The following NOTCH3 variants were observed in gnomAD, a reference collection of about 807,000 sequenced individuals.
NOTCH3 encodes neurogenic locus notch homolog protein 3.
A neutral mutation model predicts 213.3 loss-of-function variants in NOTCH3; 86 were observed. The ratio of observed to expected loss-of-function variants is 0.40; its 90% CI spans 0.34 to 0.48. The LOEUF is 0.48. NOTCH3 is among the 20% of genes least tolerant of loss of function. The pLI is 0.57. For missense variants in NOTCH3, 2,783 were observed against 3,272.6 expected (o/e 0.85, Z 3.65); for synonymous variants, 1,354 against 1,355.9 (o/e 1.00, Z 0.03).
At chr19:15,189,799 G>A (rs1377440606) in intron 6 of NOTCH3, among the ~76,000 whole-genome samples, 3 of 151,880 alleles carry the variant, frequency 2.0e-5, no homozygotes, top group Non-Finnish European at 2.9e-5. Context: ...GATTACAGGC[G>A]TGAGCCACCG....
rs567653922 is a variant in NOTCH3, at chr19:15,159,307, G to A, written c.*1355C>T. The A allele has an allele frequency of 6.4e-6, 1 of 156,718 alleles. No homozygotes were observed. Among genetic ancestry groups the A allele is most frequent in the South Asian group, 2.1e-4 (1 of 4,864 alleles). The allele number at this position is 156,718 out of a possible 1,614,324, so 9.7% of individuals were successfully genotyped here. A position where few individuals can be genotyped will look rare whatever the true frequency, so the allele number is the denominator to read the frequency against. On this transcript the variant is annotated 3_prime_UTR_variant, in exon 33 of 33. Coordinates refer to ENST00000263388, the MANE Select transcript of NOTCH3 (RefSeq NM_000435.3). ...AATATTAGCTTCATTCTTCTGCCCT[G>A]TTTGCTTGTCTCTTTGCCCACCACC...
In NOTCH3 at chr19:15,161,282, C is replaced by T. The variant is rs2145381876; in HGVS notation, c.6346G>A (p.Ala2116Thr). The T allele has an allele frequency of 6.5e-7, 1 of 1,537,824 alleles. No homozygotes were observed. The highest frequency in any genetic ancestry group is 8.7e-7 in the Non-Finnish European group (1 of 1,144,700). ...TCAAGGGGGAAGCCACCAGGGGAAG[C>T]AGGGGGCCCACCGAAAGGCCGCGGG... The part of the protein sequence containing the change: ...DSPRPFGGPP[A>T]SPGGFPLEGP... The change falls in exon 33 of 33, where the codon GCT becomes ACT. Residue 2116 changes from alanine (A) to threonine (T), a missense_variant. Ala to Thr is a moderately conservative substitution (Grantham distance 58). Transcript: ENST00000263388.
At position 15,170,118 on chromosome 19, in the gene NOTCH3, C is replaced by T; in HGVS notation, c.5167G>A (p.Asp1723Asn). 1 of 1,602,616 alleles carries T rather than the reference C, an allele frequency of 6.2e-7. No individual in the cohort carries two copies. Among genetic ancestry groups the T allele is most frequent in the Non-Finnish European group, 8.5e-7 (1 of 1,174,446 alleles). The stretch of plus-strand genomic sequence containing the variant: ...CGCTTGGCCTCTGGGCACTCTGTGT[C>T]CATCCAGTCTGTGGCCACCTCCCCC... ...LMGEVATDWM[D>N]TECPEAKRLK... Residue 1723 changes from aspartate to asparagine, a missense_variant, in exon 28 of 33, where the codon GAC becomes AAC. Transcript: ENST00000263388.
chr19:15,167,478 A>T, intron 28 of NOTCH3, 67 bp from the exon 29 acceptor site: 3 of 1,499,224 alleles, frequency 2.0e-6, no homozygotes, highest in Non-Finnish European at 2.7e-6. Context: ...ACTGCCAGGG[A>T]TGGGGCTGGG....
chr19:15,197,441 G>GGGGCGCCCCCCCCCC, intron 2 of NOTCH3, 59 bp downstream of exon 2: 7 of 768,362 alleles, frequency 9.1e-6, no homozygotes, highest in Non-Finnish European at 1.4e-5. Flanking sequence ...AAGACAAATC[G>GGGGCGCCCCCCCCCC]CCCCTCCCCC....
rs71168587 is a variant in NOTCH3 at position 15,173,421 on chromosome 19, CAAAAA to C, written c.4736+642_4736+646del. Among the ~76,000 whole-genome samples the C allele has an allele frequency of 4.5e-3, 308 of 68,786 alleles. 1 individual carries two copies. The highest frequency in any genetic ancestry group is 0.014 in the African/African-American group (291 of 21,056). The allele number at this position is 68,786 out of a possible 152,430, so 45.1% of individuals were successfully genotyped here. A position where few individuals can be genotyped will look rare whatever the true frequency, so the allele number is the denominator to read the frequency against. ...TGGGCGACAGAGCGAGACTCCGTCTCAAAAAAAAAAAAAAAAAAAAAGAGAGAGAG... is the reference window on the plus strand; with the variant it reads ...TGGGCGACAGAGCGAGACTCCGTCTCAAAAAAAAAAAAAAAAGAGAGAGAG... On this transcript the variant is annotated intron_variant, in intron 25 of 32. Coordinates refer to ENST00000263388, the MANE Select transcript of NOTCH3 (RefSeq NM_000435.3).
chr19:15,180,094 T>C lies in NOTCH3; in HGVS notation c.3305A>G (p.Tyr1102Cys). 6.2e-7 allele frequency: 1 copy of C among 1,611,414 alleles called. No homozygotes were observed. The highest frequency in any genetic ancestry group is 2.2e-5 in the East Asian group (1 of 44,848). Reference protein sequence around the residue: ...PCQHGGTCRGYMGGYMCECLP... With the variant: ...PCQHGGTCRGCMGGYMCECLP... Reference sequence around the variant, plus strand: ...TACCTCACACATGTAGCCCCCCATATAGCCACGGCAGGTCCCCCCATGCTG... The same window carrying C: ...TACCTCACACATGTAGCCCCCCATACAGCCACGGCAGGTCCCCCCATGCTG... The change falls in exon 20 of 33, where the codon TAT (tyrosine) becomes TGT (cysteine). Residue 1102 changes from tyrosine to cysteine, a missense_variant. By Grantham distance (194) the Tyr-to-Cys change is radical. Coordinates refer to ENST00000263388, the MANE Select transcript of NOTCH3 (RefSeq NM_000435.3).
Position 15,160,799 on chromosome 19 carries a change from T to C in NOTCH3, c.6829A>G (p.Thr2277Ala). Residue 2277 changes from threonine (T) to alanine (A), a missense_variant, in exon 33 of 33, where the codon ACT becomes GCT. This residue lies in a region of NOTCH3 where 441 missense variants were observed against 432.1 expected (regional missense o/e 1.02). Coordinates refer to ENST00000263388, the MANE Select transcript of NOTCH3 (RefSeq NM_000435.3). Reference protein sequence around the residue: ...SESTPSPATATGAMATTTGAL... With the variant: ...SESTPSPATAAGAMATTTGAL... ...CCAGTGGTGGTGGCCATGGCCCCAG[T>C]GGCAGTGGCTGGGCTAGGCGTGGAT... 6.2e-7 allele frequency: 1 copy of C among 1,613,274 alleles called. No homozygotes were observed. Among genetic ancestry groups the C allele is most frequent in the Non-Finnish European group, 8.5e-7 (1 of 1,179,590 alleles).
intron 24 of NOTCH3, among the ~76,000 whole-genome samples, chr19:15,176,827 C>A (rs1348969196): frequency 1.4e-5 from 2 of 142,092 alleles, no homozygotes; most frequent in Non-Finnish European, 3.0e-5. Context: ...AATCCCAGCA[C>A]TTTGGGAGGC....
intron 1 of NOTCH3, among the ~76,000 whole-genome samples, chr19:15,198,426 T>C (rs928739244): frequency 4.6e-5 from 7 of 151,942 alleles, no homozygotes; most frequent in South Asian, 2.1e-4. Flanking sequence ...TAGAAGCAGA[T>C]AGACCAGGAG....
chr19:15,200,382 G>T (rs1406663541), intron 1 of NOTCH3, among the ~76,000 whole-genome samples: 1 of 151,556 alleles, frequency 6.6e-6, no homozygotes, highest in African/African-American at 2.4e-5. Flanking sequence ...GGGGCGGGGT[G>T]GGGGGGCTTT....
At position 15,192,207 on chromosome 19, in the gene NOTCH3, G is replaced by A. The variant is rs748339634; in HGVS notation, c.432C>T (p.Cys144=). Residue 144 remains cysteine, a synonymous_variant, in exon 4 of 33, where the codon TGC becomes TGT. Transcript: ENST00000263388. ...CSVGPDGRFL[C]SCPPGYQGRS... The stretch of plus-strand genomic sequence containing the variant: ...GGCCCTGGTAGCCAGGTGGGCAGGA[G>A]CAGAGGAAGCGTCCATCGGGCCCCA... The A allele has an allele frequency of 2.9e-5, 46 of 1,611,058 alleles. No homozygotes were observed. Among genetic ancestry groups the A allele is most frequent in the Non-Finnish European group, 3.4e-5 (40 of 1,179,278 alleles).
At chr19:15,176,729 C>T (rs1347631351) in intron 24 of NOTCH3, among the ~76,000 whole-genome samples, 1 of 143,682 alleles carries the variant, frequency 7.0e-6, no homozygotes, top group East Asian at 2.0e-4. Context: ...CACCACTGCA[C>T]TCCAGCCTGG....
At chr19:15,184,150 C>T (rs1599385699) in intron 16 of NOTCH3, 145 bp downstream of exon 16, 1 of 828,138 alleles carries the variant, frequency 1.2e-6, no homozygotes, top group Non-Finnish European at 2.0e-6. Context: ...CACTCAACCT[C>T]CTCGGGCCTC....
rs751050359 is a variant in NOTCH3 at position 15,161,527 on chromosome 19, G to A, written c.6101C>T (p.Pro2034Leu). ...LDQPSGPRSP[P>L]GPHGLGPLLC... is the part of the protein sequence containing the mutation. ...CAGAGGCCCCAGGCCGTGGGGACCG[G>A]GGGGGCTGCGGGGCCCACTGGGTTG... The change falls in exon 33 of 33, where the codon CCC becomes CTC. Residue 2034 changes from proline (P) to leucine (L), a missense_variant. Around this residue, in one of 6 missense-constraint regions of NOTCH3, gnomAD observed 441 missense variants for 432.1 expected, o/e 1.02. Coordinates refer to ENST00000263388, the MANE Select transcript of NOTCH3 (RefSeq NM_000435.3). The A allele has an allele frequency of 1.2e-6, 2 of 1,601,396 alleles. No homozygotes were observed. The highest frequency in any genetic ancestry group is 3.4e-5 in the Admixed American group (2 of 58,120).
In NOTCH3 at chr19:15,192,398, G is replaced by A. The variant is rs768965053; in HGVS notation, c.319C>T (p.Arg107Trp). The change falls in exon 3 of 33, where the codon CGG becomes TGG. Residue 107 changes from arginine (R) to tryptophan (W), a missense_variant. Physicochemically the swap from Arg to Trp is moderately radical, Grantham distance 101. Transcript: ENST00000263388. ...TCACCTCGGAAGCCACGGGGGCACC[G>A]GCATGAGAATCGGGCGGTGCCAGCC... ...VVAGTARFSCRCPRGFRGPDC... is the reference protein window; with the variant it reads ...VVAGTARFSCWCPRGFRGPDC... 3.5e-5 allele frequency: 57 copies of A among 1,612,788 alleles called. No individual in the cohort carries two copies. The highest frequency in any genetic ancestry group is 1.6e-4 in the East Asian group (7 of 44,890).
chr19:15,185,219 G>C lies in NOTCH3; in HGVS notation c.2296+38C>G. On this transcript the variant is annotated intron_variant, in intron 14 of 32. Transcript: ENST00000263388. The surrounding 1 kb of genome is among the most constrained non-coding windows in gnomAD (Gnocchi z 4.2). ...GAGAAGAGAGATGAGAAGGCCCATG[G>C]TGTTGGTGGGGCTGCAGAGGGAAGG... 6.2e-7 allele frequency: 1 copy of C among 1,609,978 alleles called. No homozygotes were observed. The highest frequency in any genetic ancestry group is 1.7e-5 in the Admixed American group (1 of 59,984).
At position 15,179,422 on chromosome 19, in the gene NOTCH3, C is replaced by G; in HGVS notation, c.3402G>C (p.Gly1134=). ...GGGCCACGAGGTCAATGCATGAACC[C>G]CCGTGCTGGCAGGGCTGGGAGGCAC... is the stretch of plus-strand genomic sequence containing the variant. ...DECASQPCQH[G]GSCIDLVARY... is the part of the protein sequence containing the mutation. Residue 1134 remains glycine (G), a synonymous_variant, in exon 21 of 33, where the codon GGG becomes GGC. Coordinates refer to ENST00000263388, the MANE Select transcript of NOTCH3 (RefSeq NM_000435.3). The G allele has an allele frequency of 1.9e-6, 3 of 1,614,104 alleles. No individual in the cohort carries two copies. Among genetic ancestry groups the G allele is most frequent in the Non-Finnish European group, 2.5e-6 (3 of 1,180,006 alleles).
chr19:15,197,966 G>A (rs1273436672), intron 1 of NOTCH3, among the ~76,000 whole-genome samples: 1 of 152,258 alleles, frequency 6.6e-6, no homozygotes, highest in East Asian at 1.9e-4. Flanking sequence ...AGGTTCAGGG[G>A]TAATAGAAGG....
Sources: allele counts gnomAD v4.1 joint callset (sites outside exome capture counted in the v4.1 genomes callset), GRCh38; gene constraint gnomAD v4.1.1; regional missense constraint gnomAD v4.1.1; non-coding constraint Gnocchi (gnomAD v3.1); transcripts MANE v1.5; gene names NCBI Gene and HGNC (gene_info 2026-07-23, HGNC 2026-07-21).